Variants in PLAGL2 observed in about 807,000 individuals in gnomAD.
PLAGL2 encodes the protein PLAG1 like zinc finger 2, also known as zinc finger protein PLAGL2.
In PLAGL2, 7 loss-of-function variants were observed where a neutral mutation model predicts 29.0. The ratio of observed to expected loss-of-function variants is 0.24; its 90% CI spans 0.14 to 0.45. The LOEUF is 0.45. PLAGL2 is among the 20% of genes least tolerant of loss of function. The pLI is 0.99. For synonymous variants in PLAGL2, 234 were observed against 266.0 expected, an observed-to-expected ratio of 0.88 and a Z score of 1.17; for missense variants, 454 against 648.2, an observed-to-expected ratio of 0.70 and a Z score of 3.25.
In PLAGL2 at chr20:32,198,649, T is replaced by TAAAC. The variant is rs376234958; in HGVS notation, c.261-971_261-968dup. Among the ~76,000 whole-genome samples the TAAAC allele has an allele frequency of 3.1e-3, 472 of 152,252 alleles. 2 individuals carry two copies. Among genetic ancestry groups the TAAAC allele is most frequent in the African/African-American group, 0.01 (422 of 41,554 alleles). ...AAGACTCCGTCTCTAAATAAATAAA[T>TAAAC]AAACTTCCTTATCTAGAACAAATTT... On this transcript the variant is annotated intron_variant, in intron 2 of 2. Transcript: ENST00000246229.
chr20:32,196,883 A>G lies in PLAGL2; in HGVS notation c.1060T>C (p.Leu354=). ...AAACTATCCACCTCCACTTTGGGCAATTTGTCGGGCAAGTATGAGGTAGAT... is the reference window on the plus strand; with the variant it reads ...AAACTATCCACCTCCACTTTGGGCAGTTTGTCGGGCAAGTATGAGGTAGAT... ...LGSTSYLPDK[L]PKVEVDSFLA... Residue 354 remains leucine (L), a synonymous_variant, in exon 3 of 3, where the codon TTG becomes CTG. Transcript: ENST00000246229. 6.2e-7 allele frequency: 1 copy of G among 1,614,154 alleles called. No homozygotes were observed. Among genetic ancestry groups the G allele is most frequent in the Non-Finnish European group, 8.5e-7 (1 of 1,179,986 alleles).
Position 32,202,259 on chromosome 20 carries a change from C to T in PLAGL2, c.-81G>A. 7.0e-7 allele frequency: 1 copy of T among 1,422,998 alleles called. No homozygotes were observed. Among genetic ancestry groups the T allele is most frequent in the African/African-American group, 1.4e-5 (1 of 70,428 alleles). The allele number at this position is 1,422,998 out of a possible 1,614,324, so 88.1% of individuals were successfully genotyped here. On this transcript the variant is annotated 5_prime_UTR_variant, in exon 2 of 3. Transcript: ENST00000246229. ...CACAGGCTCTCAGCTCTGTCACAGC[C>T]TCCAACGCAGCTTTCAGAAAACAAT...
chr20:32,200,306 C>T (rs1182951759), intron 2 of PLAGL2, among the ~76,000 whole-genome samples: 6 of 151,988 alleles, frequency 3.9e-5, no homozygotes, highest in African/African-American at 1.2e-4. Context: ...GGTGTGATCT[C>T]GGCTCACTGC....
Position 32,197,920 on chromosome 20 carries a change from G to C in PLAGL2, c.261-238C>G, listed in dbSNP as rs147923049. ...TAGCAAAAAAAATCAGAAACAATCTGAACGTCCAATCTATCAATAGGGAAC... is the reference window on the plus strand; with the variant it reads ...TAGCAAAAAAAATCAGAAACAATCTCAACGTCCAATCTATCAATAGGGAAC... On this transcript the variant is annotated intron_variant, in intron 2 of 2. Coordinates refer to ENST00000246229, the MANE Select transcript of PLAGL2 (RefSeq NM_002657.3). This position sits in a 1 kb window ranked among gnomAD's most constrained non-coding sequence, Gnocchi z 6.6. Among the ~76,000 whole-genome samples, 49 of 152,264 alleles carry C rather than the reference G, an allele frequency of 3.2e-4. No individual in the cohort carries two copies. Among genetic ancestry groups the C allele is most frequent in the African/African-American group, 1.1e-3 (47 of 41,542 alleles).
chr20:32,202,162 G>C lies in PLAGL2; in HGVS notation c.17C>G (p.Thr6Ser), dbSNP rs1351010714. Residue 6 changes from threonine (T) to serine (S), a missense_variant, in exon 2 of 3, where the codon ACC becomes AGC. By Grantham distance (58) the Thr-to-Ser change is moderately conservative. Transcript: ENST00000246229. ...ATCTTGAATCCAGGGGGGGACGCTG[G>C]TGAAAAATGTGGTCATGGCAAGGCT... Reference protein sequence around the residue: MTTFFTSVPPWIQDAK... With the variant: MTTFFSSVPPWIQDAK... 2 of 1,614,124 alleles carry C rather than the reference G, an allele frequency of 1.2e-6. No homozygotes were observed. The highest frequency in any genetic ancestry group is 2.2e-5 in the South Asian group (2 of 91,086).
At chr20:32,204,651 T>C (rs1009376520) in intron 1 of PLAGL2, among the ~76,000 whole-genome samples, 2 of 152,188 alleles carry the variant, frequency 1.3e-5, no homozygotes, top group Non-Finnish European at 2.9e-5. Flanking sequence ...TAGTGTTACC[T>C]AGGAACCCTT....
At position 32,197,292 on chromosome 20, in the gene PLAGL2, C is replaced by T. The variant is rs2047235204; in HGVS notation, c.651G>A (p.Lys217=). The T allele has an allele frequency of 6.2e-7, 1 of 1,611,224 alleles. No homozygotes were observed. The highest frequency in any genetic ancestry group is 8.5e-7 in the Non-Finnish European group (1 of 1,178,572). ...RRHLVVHTGR[K]DFLCQYCAQR... ...GGGCACAGTACTGGCACAGGAAGTC[C>T]TTACGGCCTGTGTGCACCACTAGGT... The change falls in exon 3 of 3, where the codon AAG becomes AAA. Residue 217 remains lysine (K), a synonymous_variant. Coordinates refer to ENST00000246229, the MANE Select transcript of PLAGL2 (RefSeq NM_002657.3). This position sits in a 1 kb window ranked among gnomAD's most constrained non-coding sequence, Gnocchi z 6.6.
chr20:32,201,401 A>T (rs1209009220), intron 2 of PLAGL2, among the ~76,000 whole-genome samples: 3 of 152,090 alleles, frequency 2.0e-5, no homozygotes, highest in Admixed American at 6.5e-5. Context: ...CCTGGGGAAC[A>T]CAGCCACACC....
At position 32,194,740 on chromosome 20, in the gene PLAGL2, CT is replaced by C. The variant is rs2047218813; in HGVS notation, c.*1711del. On this transcript the variant is annotated 3_prime_UTR_variant, in exon 3 of 3. Transcript: ENST00000246229. ...CTTGGTAGTTTGTCCTGAAACCCTACTGGAGAAGTCAGCATGAGGCACCTAC... is the reference window on the plus strand; with the variant it reads ...CTTGGTAGTTTGTCCTGAAACCCTACGGAGAAGTCAGCATGAGGCACCTAC... 1 of 152,412 alleles carries C rather than the reference CT, an allele frequency of 6.6e-6. No homozygotes were observed. Among genetic ancestry groups the C allele is most frequent in the Non-Finnish European group, 1.5e-5 (1 of 68,004 alleles). The allele number at this position is 152,412 out of a possible 1,614,324, so 9.4% of individuals were successfully genotyped here.
In PLAGL2 at chr20:32,196,434, T is replaced by C; in HGVS notation, c.*18A>G. 3 of 1,452,880 alleles carry C rather than the reference T, an allele frequency of 2.1e-6. No individual in the cohort carries two copies. The highest frequency in any genetic ancestry group is 2.7e-6 in the Non-Finnish European group (3 of 1,101,046). The allele number at this position is 1,452,880 out of a possible 1,614,324, so 90.0% of individuals were successfully genotyped here. A position where few individuals can be genotyped will look rare whatever the true frequency, so the allele number is the denominator to read the frequency against. On this transcript the variant is annotated 3_prime_UTR_variant, in exon 3 of 3. Coordinates refer to ENST00000246229, the MANE Select transcript of PLAGL2 (RefSeq NM_002657.3). Reference sequence around the variant, plus strand: ...TCCATAACAGAGCCAAAAACTGAGCTGAGGGCCTCTGTGGGGGCTACTGGA... The same window carrying C: ...TCCATAACAGAGCCAAAAACTGAGCCGAGGGCCTCTGTGGGGGCTACTGGA...
intron 1 of PLAGL2, among the ~76,000 whole-genome samples, chr20:32,205,216 G>A (rs373711555): frequency 3.9e-5 from 6 of 152,092 alleles, no homozygotes; most frequent in Non-Finnish European, 8.8e-5. Flanking sequence ...CTCTTTTTCC[G>A]CATGAGGCCT....
intron 1 of PLAGL2, among the ~76,000 whole-genome samples, chr20:32,204,586 G>A (rs2047276325): frequency 6.6e-6 from 1 of 152,134 alleles, no homozygotes; most frequent in Admixed American, 6.5e-5. Flanking sequence ...TTTTCAAAAG[G>A]CACAGGAAGT....
rs565178063 is a variant in PLAGL2, at chr20:32,192,633, ATACTT to A, written c.*3814_*3818del. 1.2e-3 allele frequency: 183 copies of A among 152,794 alleles called. 1 individual carries two copies. The highest frequency in any genetic ancestry group is 4.0e-3 in the African/African-American group (168 of 41,594). The allele number at this position is 152,794 out of a possible 1,614,324, so 9.5% of individuals were successfully genotyped here. A position where few individuals can be genotyped will look rare whatever the true frequency, so the allele number is the denominator to read the frequency against. On this transcript the variant is annotated 3_prime_UTR_variant, in exon 3 of 3. Coordinates refer to ENST00000246229, the MANE Select transcript of PLAGL2 (RefSeq NM_002657.3). ...CCCTGTGCATTTTCTAATGGCACTT[ATACTT>A]TACAATTAAAAACCTTGTTTTATAT... is the stretch of plus-strand genomic sequence containing the variant.
rs1237195087 is a variant in PLAGL2 at position 32,193,768 on chromosome 20, T to A, written c.*2684A>T. 6.6e-6 allele frequency: 1 copy of A among 152,256 alleles called. No homozygotes were observed. Among genetic ancestry groups the A allele is most frequent in the Non-Finnish European group, 1.5e-5 (1 of 68,374 alleles). The allele number at this position is 152,256 out of a possible 1,614,324, so 9.4% of individuals were successfully genotyped here. On this transcript the variant is annotated 3_prime_UTR_variant, in exon 3 of 3. Coordinates refer to ENST00000246229, the MANE Select transcript of PLAGL2 (RefSeq NM_002657.3). ...CTTTGAACAACCAGGCCACTAAGGC[T>A]TTTTTTTTCTTTCCCCCCGACCCCC...
chr20:32,204,002 T>G (rs2047273154), intron 1 of PLAGL2, among the ~76,000 whole-genome samples: 1 of 152,116 alleles, frequency 6.6e-6, no homozygotes, highest in South Asian at 2.1e-4. Context: ...ACTATAAACC[T>G]CAAAGGCCTG....
At chr20:32,205,424 A>G (rs2047281309) in intron 1 of PLAGL2, among the ~76,000 whole-genome samples, 1 of 152,110 alleles carries the variant, frequency 6.6e-6, no homozygotes, top group South Asian at 2.1e-4. Flanking sequence ...TCTCTTAAGC[A>G]GAGAGCCACT....
chr20:32,205,313 G>C (rs1172428186), intron 1 of PLAGL2, among the ~76,000 whole-genome samples: 1 of 151,956 alleles, frequency 6.6e-6, no homozygotes, highest in Non-Finnish European at 1.5e-5. Context: ...CCCCCAGAAT[G>C]CAGTCTTCCC....
chr20:32,206,061 T>A (rs1176223698), intron 1 of PLAGL2, among the ~76,000 whole-genome samples: 1 of 152,288 alleles, frequency 6.6e-6, no homozygotes, highest in Non-Finnish European at 1.5e-5. Flanking sequence ...GAACGTTCCT[T>A]GGGATAGAAT....
Position 32,196,936 on chromosome 20 carries a change from G to C in PLAGL2, c.1007C>G (p.Ala336Gly). The change falls in exon 3 of 3, where the codon GCT becomes GGT. Residue 336 changes from alanine (A) to glycine (G), a missense_variant. Ala to Gly is a moderately conservative substitution (Grantham distance 60, BLOSUM62 0). Transcript: ENST00000246229. Reference sequence around the variant, plus strand: ...AAGCTGGTATTTTGGAGGGAGCTGAGCTGGGGAAGAGATAGGTGAGGATTC... The same window carrying C: ...AAGCTGGTATTTTGGAGGGAGCTGACCTGGGGAAGAGATAGGTGAGGATTC... ...PLESSPISSP[A>G]QLPPKYQLGS... 1 of 1,614,244 alleles carries C rather than the reference G, an allele frequency of 6.2e-7. No homozygotes were observed. The highest frequency in any genetic ancestry group is 1.3e-5 in the African/African-American group (1 of 75,072).
Sources: gnomAD v4.1 joint callset for allele counts (sites outside exome capture counted in the v4.1 genomes callset) on GRCh38, gnomAD v4.1.1 for gene constraint, Gnocchi (gnomAD v3.1) non-coding constraint, MANE v1.5 for transcripts, NCBI Gene and HGNC (gene_info 2026-07-23, HGNC 2026-07-21) for gene names.